CYP27C1: variants seen among roughly 807,000 people sequenced by gnomAD.
The protein encoded by CYP27C1 is cytochrome P450 27C1.
CYP27C1 carries 29 observed loss-of-function variants against 40.6 expected under a neutral mutation model. The observed-to-expected ratio is 0.71, with a 90% CI of 0.53 to 0.97. The LOEUF (loss-of-function observed/expected upper bound fraction) is 0.97, where lower values mean the gene tolerates loss of function less well. CYP27C1 is among the 50% of genes least tolerant of loss of function. The pLI is 0.00. For missense variants in CYP27C1, 390 were observed against 485.8 expected, an observed-to-expected ratio of 0.80 and a Z score of 1.85; for synonymous variants, 198 against 186.8, an observed-to-expected ratio of 1.06 and a Z score of -0.49.
At position 127,219,536 on chromosome 2, in the gene CYP27C1, C is replaced by A. The variant is rs1683506472; in HGVS notation, c.282+453G>T. On this transcript the variant is annotated intron_variant, in intron 1 of 8. Coordinates refer to ENST00000664447, the MANE Select transcript of CYP27C1 (RefSeq NM_001367502.1). This position sits in a 1 kb window ranked among gnomAD's most constrained non-coding sequence, Gnocchi z 8.7. ...CCGAAACTCCATCCCTGACTCCCCT[C>A]CCCGCTACCTCCTCCCCAGGGGTCC... Among the ~76,000 whole-genome samples the A allele has an allele frequency of 6.6e-6, 1 of 151,910 alleles. No individual in the cohort carries two copies. Among genetic ancestry groups the A allele is most frequent in the Non-Finnish European group, 1.5e-5 (1 of 67,946 alleles).
Position 127,195,582 on chromosome 2 carries a change from C to G in CYP27C1, c.1048-81G>C. ...ACAGAGGCGGTGGCAGGTAGGAAGT[C>G]CCCTGGGAATACACACAGCACAAAG... On this transcript the variant is annotated intron_variant, in intron 5 of 8. Transcript: ENST00000664447. This position sits in a 1 kb window ranked among gnomAD's most constrained non-coding sequence, Gnocchi z 6.2. The G allele has an allele frequency of 6.9e-7, 1 of 1,448,628 alleles. No homozygotes were observed. The highest frequency in any genetic ancestry group is 9.5e-7 in the Non-Finnish European group (1 of 1,057,272). The allele number at this position is 1,448,628 out of a possible 1,614,324, so 89.7% of individuals were successfully genotyped here.
rs992041854 is a variant in CYP27C1, at chr2:127,186,530, T to G, written c.*741A>C. 1 of 152,014 alleles carries G rather than the reference T, an allele frequency of 6.6e-6. No individual in the cohort carries two copies. Among genetic ancestry groups the G allele is most frequent in the Non-Finnish European group, 1.5e-5 (1 of 68,024 alleles). 9.4% of individuals were successfully genotyped at this position (152,014 alleles called of 1,614,324 possible). A position where few individuals can be genotyped will look rare whatever the true frequency, so the allele number is the denominator to read the frequency against. On this transcript the variant is annotated 3_prime_UTR_variant, in exon 9 of 9. Transcript: ENST00000664447. This position sits in a 1 kb window ranked among gnomAD's most constrained non-coding sequence, Gnocchi z 4.5. Reference sequence around the variant, plus strand: ...GATCCTCCTGCCTCAGTCTTCCGAGTAACTAGGACCATAGGTGTGCACCAC... The same window carrying G: ...GATCCTCCTGCCTCAGTCTTCCGAGGAACTAGGACCATAGGTGTGCACCAC...
At position 127,204,578 on chromosome 2, in the gene CYP27C1, A is replaced by AAAGG. The variant is rs1683173582; in HGVS notation, c.474-1008_474-1007insCCTT. Among the ~76,000 whole-genome samples the AAAGG allele has an allele frequency of 2.4e-5, 2 of 84,110 alleles. 1 individual carries two copies. The highest frequency in any genetic ancestry group is 6.0e-4 in the South Asian group (2 of 3,360). The allele number at this position is 84,110 out of a possible 152,430, so 55.2% of individuals were successfully genotyped here. A position where few individuals can be genotyped will look rare whatever the true frequency, so the allele number is the denominator to read the frequency against. ...GAGAGAAAGAAAGAAAGAAAGAAAG[A>AAAGG]AAGAAAGAAAGAAAGAAAGAAAGAA... is the stretch of plus-strand genomic sequence containing the variant. On this transcript the variant is annotated intron_variant, in intron 2 of 8. Transcript: ENST00000664447.
Position 127,203,382 on chromosome 2 carries a change from A to C in CYP27C1, c.663T>G (p.Tyr221Ter). ...CTGATTCCACCTCACCTTCCATTGA[A>C]TATTTGAAGAAAAGATCATTGACAT... ...VTNVNDLFFK[Y>*]SMEGVATILY... Residue 221 changes from tyrosine to a stop codon, truncating the protein, a stop_gained, in exon 3 of 9, where the codon TAT becomes TAG. Coordinates refer to ENST00000664447, the MANE Select transcript of CYP27C1 (RefSeq NM_001367502.1). LOFTEE classifies it high-confidence loss of function. The C allele has an allele frequency of 1.9e-6, 3 of 1,612,382 alleles. No individual in the cohort carries two copies. Among genetic ancestry groups the C allele is most frequent in the African/African-American group, 2.7e-5 (2 of 74,874 alleles).
At chr2:127,194,976 C>T (rs1682870521) in intron 6 of CYP27C1, among the ~76,000 whole-genome samples, 1 of 151,964 alleles carries the variant, frequency 6.6e-6, no homozygotes, top group African/African-American at 2.4e-5. Context: ...ACTACAGGTG[C>T]CTACCACCAC....
chr2:127,199,074 C>T (rs912552008), intron 5 of CYP27C1, among the ~76,000 whole-genome samples: 1 of 152,138 alleles, frequency 6.6e-6, no homozygotes, highest in South Asian at 2.1e-4. Flanking sequence ...CACCTGAGGC[C>T]GGGAGTTCGA....
At chr2:127,187,834 G>C (rs1682666580) in intron 8 of CYP27C1, among the ~76,000 whole-genome samples, 1 of 152,172 alleles carries the variant, frequency 6.6e-6, no homozygotes, top group Non-Finnish European at 1.5e-5. Flanking sequence ...GAGGCGGAGA[G>C]AGCTGAATCC....
intron 3 of CYP27C1, among the ~76,000 whole-genome samples, chr2:127,203,067 C>A (rs1220155693): frequency 6.6e-6 from 1 of 151,802 alleles, no homozygotes; most frequent in Non-Finnish European, 1.5e-5. Flanking sequence ...ACTCGGGAGG[C>A]TGAGGCAGGA....
chr2:127,215,141 A>G (rs2104702087), intron 1 of CYP27C1, among the ~76,000 whole-genome samples: 1 of 152,116 alleles, frequency 6.6e-6, no homozygotes, highest in South Asian at 2.1e-4. Flanking sequence ...AAAAAAAAAA[A>G]AAAAGACTTA....
At chr2:127,212,501 G>C (rs1394888815) in intron 1 of CYP27C1, among the ~76,000 whole-genome samples, 2 of 152,190 alleles carry the variant, frequency 1.3e-5, no homozygotes, top group African/African-American at 2.4e-5. Context: ...GGGATGCAAG[G>C]CTGTTTTAAC....
chr2:127,190,347 T>TTC (rs1339023091), intron 8 of CYP27C1, among the ~76,000 whole-genome samples: 5 of 140,820 alleles, frequency 3.6e-5, no homozygotes, highest in Non-Finnish European at 6.2e-5. Flanking sequence ...TTTTTCTTTT[T>TTC]TTTTTTTTTT....
intron 5 of CYP27C1, among the ~76,000 whole-genome samples, chr2:127,197,410 T>G (rs1226215840): frequency 3.3e-5 from 5 of 152,206 alleles, no homozygotes; most frequent in Admixed American, 3.3e-4. Context: ...TTGAGGCTTT[T>G]TTGCCCCTTT....
rs1682602093 is a variant in CYP27C1 at position 127,185,470 on chromosome 2, C to G, written c.*1801G>C. The G allele has an allele frequency of 6.6e-6, 1 of 152,176 alleles. No homozygotes were observed. The highest frequency in any genetic ancestry group is 2.4e-5 in the African/African-American group (1 of 41,460). The allele number at this position is 152,176 out of a possible 1,614,324, so 9.4% of individuals were successfully genotyped here. A position where few individuals can be genotyped will look rare whatever the true frequency, so the allele number is the denominator to read the frequency against. On this transcript the variant is annotated 3_prime_UTR_variant, in exon 9 of 9. Coordinates refer to ENST00000664447, the MANE Select transcript of CYP27C1 (RefSeq NM_001367502.1). This position sits in a 1 kb window ranked among gnomAD's most constrained non-coding sequence, Gnocchi z 4.9. ...AGTTATTCTCAATATTTTTAAATTT[C>G]AGTCTCAAACAGAATGCAATTTCAT... is the stretch of plus-strand genomic sequence containing the variant.
chr2:127,204,606 A>AAGCAAGCAAGCAAGCAAGCAAGCAAGC (rs1558931534), intron 2 of CYP27C1, among the ~76,000 whole-genome samples: 1 of 100,948 alleles, frequency 9.9e-6, no homozygotes, highest in African/African-American at 4.2e-5. Flanking sequence ...AGAAAGAAAG[A>AAGCAAGCAAGCAAGCAAGCAAGCAAGC]AAGAAAGAAA....
chr2:127,187,166 C>T lies in CYP27C1; in HGVS notation c.*105G>A. 1 of 936,402 alleles carries T rather than the reference C, an allele frequency of 1.1e-6. No individual in the cohort carries two copies. Among genetic ancestry groups the T allele is most frequent in the Non-Finnish European group, 1.7e-6 (1 of 587,436 alleles). 58.0% of individuals were successfully genotyped at this position (936,402 alleles called of 1,614,324 possible). A position where few individuals can be genotyped will look rare whatever the true frequency, so the allele number is the denominator to read the frequency against. On this transcript the variant is annotated 3_prime_UTR_variant, in exon 9 of 9. Coordinates refer to ENST00000664447, the MANE Select transcript of CYP27C1 (RefSeq NM_001367502.1). ...GGAGGCCAGTCTATAACAAGACAGC[C>T]TTTAGCGACATCGCTTTCCTTCTCC...
At chr2:127,207,592 C>T (rs1452449057) in intron 1 of CYP27C1, among the ~76,000 whole-genome samples, 1 of 152,030 alleles carries the variant, frequency 6.6e-6, no homozygotes. Context: ...ATCACGTGAG[C>T]TCAGGAGGTG....
chr2:127,202,893 G>T (rs1307276413), intron 3 of CYP27C1, among the ~76,000 whole-genome samples: 1 of 152,174 alleles, frequency 6.6e-6, no homozygotes, highest in Non-Finnish European at 1.5e-5. Flanking sequence ...TTTCAGCCAG[G>T]TGCAGTGGCT....
At chr2:127,199,236 G>T in intron 5 of CYP27C1, 140 bp downstream of exon 5, 2 of 1,131,134 alleles carry the variant, frequency 1.8e-6, no homozygotes, top group Non-Finnish European at 2.5e-6. Context: ...GCAGTGAGCC[G>T]AGACCATGCC....
chr2:127,192,553 T>C (rs1334178336), intron 8 of CYP27C1, among the ~76,000 whole-genome samples: 1 of 152,108 alleles, frequency 6.6e-6, no homozygotes, highest in Non-Finnish European at 1.5e-5. Context: ...TGAGAACCAC[T>C]GCTCTGTGTA....
Sources: allele counts gnomAD v4.1 joint callset (sites outside exome capture counted in the v4.1 genomes callset), GRCh38; gene constraint gnomAD v4.1.1; non-coding constraint Gnocchi (gnomAD v3.1); transcripts MANE v1.5; gene names NCBI Gene and HGNC (gene_info 2026-07-23, HGNC 2026-07-21).